The following SEMA5A variants were observed in gnomAD, a reference collection of about 807,000 sequenced individuals.
SEMA5A encodes the protein semaphorin-5A.
In SEMA5A, 55 loss-of-function variants were observed where a neutral mutation model predicts 135.5. The ratio of observed to expected loss-of-function variants is 0.41; its 90% CI spans 0.33 to 0.51. The LOEUF (loss-of-function observed/expected upper bound fraction) is 0.51. Ranked by LOEUF, SEMA5A falls within the 20% of genes least tolerant of loss-of-function variation. The pLI, the probability that SEMA5A is intolerant of heterozygous loss-of-function variation, is 0.37. For synonymous variants in SEMA5A, 580 were observed against 546.5 expected, an observed-to-expected ratio of 1.06 and a Z score of -0.85; for missense variants, 1,290 against 1,419.9, an observed-to-expected ratio of 0.91 and a Z score of 1.47.
chr5:9,196,758 C>T (rs186360062), intron 10 of SEMA5A, among the ~76,000 whole-genome samples: 44 of 152,308 alleles, frequency 2.9e-4, no homozygotes, highest in African/African-American at 9.9e-4. Context: ...CCACATTTGC[C>T]AATTAGCGCT....
At chr5:9,067,009 A>G (rs530802921) in intron 16 of SEMA5A, among the ~76,000 whole-genome samples, 1 of 152,328 alleles carries the variant, frequency 6.6e-6, no homozygotes, top group Admixed American at 6.5e-5. Flanking sequence ...TATTTTCTTT[A>G]AAAGATTGAT....
At chr5:9,518,734 C>G (rs113476216) in intron 1 of SEMA5A, among the ~76,000 whole-genome samples, 2,394 of 152,196 alleles carry the variant, frequency 0.016, 33 homozygotes, top group South Asian at 0.024. Context: ...TTGTGCACTG[C>G]TTGATCTTAA....
chr5:9,511,212 T>C (rs1736189488), intron 1 of SEMA5A: 1 of 152,218 alleles, frequency 6.6e-6, no homozygotes, highest in Non-Finnish European at 1.5e-5. Context: ...CAGTGCTACA[T>C]AGTCCTTCTA....
chr5:9,534,317 A>G (rs528456212), intron 1 of SEMA5A, among the ~76,000 whole-genome samples: 1 of 152,350 alleles, frequency 6.6e-6, no homozygotes, highest in Admixed American at 6.5e-5. Context: ...AAAAACCTCA[A>G]GGCAGGAAGT....
chr5:9,087,347 A>T (rs1738754753), intron 16 of SEMA5A, among the ~76,000 whole-genome samples: 1 of 152,190 alleles, frequency 6.6e-6, no homozygotes, highest in Non-Finnish European at 1.5e-5. Flanking sequence ...AAAACAGTTC[A>T]TTTATCTTGA....
At chr5:9,512,823 T>C (rs1736282592) in intron 1 of SEMA5A, among the ~76,000 whole-genome samples, 3 of 152,146 alleles carry the variant, frequency 2.0e-5, no homozygotes, top group African/African-American at 7.2e-5. Flanking sequence ...CTACAGATTA[T>C]TTTTATCTGT....
At chr5:9,528,090 A>T (rs1362536943) in intron 1 of SEMA5A, among the ~76,000 whole-genome samples, 1 of 152,244 alleles carries the variant, frequency 6.6e-6, no homozygotes, top group African/African-American at 2.4e-5. Flanking sequence ...GAAATAGAAT[A>T]TGATCAACTT....
chr5:9,498,626 G>A (rs1439788014), intron 1 of SEMA5A: 1 of 152,116 alleles, frequency 6.6e-6, no homozygotes, highest in Non-Finnish European at 1.5e-5. Flanking sequence ...TAGCAGCAGG[G>A]AATAAAACAG....
chr5:9,209,247 C>T (rs1426017775), intron 8 of SEMA5A, among the ~76,000 whole-genome samples: 6 of 152,212 alleles, frequency 3.9e-5, no homozygotes, highest in African/African-American at 1.4e-4. Flanking sequence ...ACTTTAGTGT[C>T]TACTCTGCTC....
At chr5:9,283,169 T>C (rs1750627950) in intron 5 of SEMA5A, among the ~76,000 whole-genome samples, 1 of 152,196 alleles carries the variant, frequency 6.6e-6, no homozygotes, top group Admixed American at 6.5e-5. Flanking sequence ...TAAATTGCCA[T>C]AAACCTAGAG....
chr5:9,041,250 A>AAGAT lies in SEMA5A; in HGVS notation c.*1643_*1646dup, dbSNP rs1400724236. 3.9e-5 allele frequency: 6 copies of AAGAT among 152,204 alleles called. No individual in the cohort carries two copies. The highest frequency in any genetic ancestry group is 1.4e-4 in the African/African-American group (6 of 41,432). 9.4% of individuals were successfully genotyped at this position (152,204 alleles called of 1,614,324 possible). On this transcript the variant is annotated 3_prime_UTR_variant, in exon 23 of 23. Coordinates refer to ENST00000382496, the MANE Select transcript of SEMA5A (RefSeq NM_003966.3). ...AAATTGTTTCTTTAAATTAGAAACA[A>AAGAT]AGATAAGGGTAAAATCACATATGCT... is the stretch of plus-strand genomic sequence containing the variant.
At chr5:9,101,926 G>A (rs1739654149) in intron 16 of SEMA5A, among the ~76,000 whole-genome samples, 1 of 152,168 alleles carries the variant, frequency 6.6e-6, no homozygotes, top group East Asian at 1.9e-4. Context: ...AATTCAGTGT[G>A]AGCTGCCAAT....
At chr5:9,145,272 A>C (rs532957036) in intron 12 of SEMA5A, among the ~76,000 whole-genome samples, 2 of 152,290 alleles carry the variant, frequency 1.3e-5, no homozygotes, top group East Asian at 3.9e-4. Context: ...CTCTCTCTTT[A>C]TCTCCAATAA....
At chr5:9,274,165 G>A (rs1376637703) in intron 5 of SEMA5A, among the ~76,000 whole-genome samples, 1 of 151,984 alleles carries the variant, frequency 6.6e-6, no homozygotes. Flanking sequence ...CAAATGGACA[G>A]CAAAAATAAA....
intron 2 of SEMA5A, among the ~76,000 whole-genome samples, chr5:9,389,856 C>T (rs1430392071): frequency 6.6e-6 from 1 of 152,168 alleles, no homozygotes; most frequent in African/African-American, 2.4e-5. Context: ...CTGTTACAGC[C>T]TTTATCATCC....
In SEMA5A at chr5:9,150,995, G is replaced by A. The variant is rs1339237267; in HGVS notation, c.1481+3493C>T. 2.6e-5 allele frequency among the ~76,000 whole-genome samples: 4 copies of A among 152,130 alleles called. No individual in the cohort carries two copies. In the East Asian group the frequency reaches 7.7e-4, roughly 29 times the overall value. ...ACCAGTAATACAACATGGGCCTGGG[G>A]CAGTCTCGGCTCTGACCCAGGTCTC... On this transcript the variant is annotated intron_variant, in intron 12 of 22. Coordinates refer to ENST00000382496, the MANE Select transcript of SEMA5A (RefSeq NM_003966.3).
intron 1 of SEMA5A, among the ~76,000 whole-genome samples, chr5:9,463,855 A>G (rs1415324477): frequency 6.6e-6 from 1 of 151,392 alleles, no homozygotes; most frequent in Non-Finnish European, 1.5e-5. Context: ...AGTACTCCAC[A>G]CCCCCCTGAA....
intron 18 of SEMA5A, among the ~76,000 whole-genome samples, chr5:9,062,666 A>G (rs183629128): frequency 6.6e-6 from 1 of 152,266 alleles, no homozygotes; most frequent in East Asian, 1.9e-4. Context: ...AGGTCTGGCT[A>G]TATTGCCCAG....
At chr5:9,135,127 T>C (rs769983939) in intron 13 of SEMA5A, among the ~76,000 whole-genome samples, 9 of 151,852 alleles carry the variant, frequency 5.9e-5, no homozygotes, top group Non-Finnish European at 1.2e-4. Context: ...CTGGTTTGAA[T>C]AGCCCCAGAC....
Sources: gnomAD v4.1 joint callset for allele counts (sites outside exome capture counted in the v4.1 genomes callset) on GRCh38, gnomAD v4.1.1 for gene constraint, MANE v1.5 for transcripts, NCBI Gene and HGNC (gene_info 2026-07-23, HGNC 2026-07-21) for gene names.